Variants in TJP1 observed in about 807,000 individuals in gnomAD.
TJP1 encodes the protein tight junction protein 1, also known as tight junction protein ZO-1.
TJP1 carries 43 observed loss-of-function variants against 194.2 expected under a neutral mutation model. That is an observed-to-expected ratio of 0.22 (90% confidence interval 0.17 to 0.29). The LOEUF is 0.29. Among genes scored for constraint, TJP1 ranks in the 10% least tolerant of loss-of-function variants. TJP1 has a pLI of 1.00. For synonymous variants in TJP1, 801 were observed against 779.0 expected (o/e 1.03, Z -0.47); for missense variants, 1,971 against 2,185.7 (o/e 0.90, Z 1.96).
intron 2 of TJP1, among the ~76,000 whole-genome samples, chr15:29,774,326 T>C (rs2046878401): frequency 6.6e-6 from 1 of 151,566 alleles, no homozygotes; most frequent in Non-Finnish European, 1.5e-5. Flanking sequence ...AAAAAAAAAA[T>C]CTTCTTAAAA....
intron 2 of TJP1, among the ~76,000 whole-genome samples, chr15:29,841,769 T>C (rs2051233796): frequency 6.6e-6 from 1 of 151,216 alleles, no homozygotes; most frequent in South Asian, 2.1e-4. Flanking sequence ...TTTAGTAACA[T>C]TTATCATAAA....
At chr15:29,844,368 C>A (rs2051334699) in intron 2 of TJP1, among the ~76,000 whole-genome samples, 1 of 152,180 alleles carries the variant, frequency 6.6e-6, no homozygotes, top group African/African-American at 2.4e-5. Context: ...TGCACCCGGC[C>A]CACAGTGGCT....
chr15:29,931,208 A>C (rs1476408024), intron 2 of TJP1, among the ~76,000 whole-genome samples: 3 of 152,250 alleles, frequency 2.0e-5, no homozygotes, highest in Non-Finnish European at 4.4e-5. Context: ...AGTGGATCAT[A>C]TAAAGGTCTT....
chr15:29,941,745 G>C lies in TJP1; in HGVS notation c.306+14487C>G, dbSNP rs1324145842. On this transcript the variant is annotated intron_variant, in intron 2 of 28. Coordinates refer to the TJP1 transcript ENST00000356107. ...GCCTCCACCATTGTACACGTATCAC[G>C]TGTTTGTTTACATTTTTGCCGGCTC... Among the ~76,000 whole-genome samples the C allele has an allele frequency of 2.0e-5, 3 of 152,150 alleles. No homozygotes were observed. In the East Asian group the frequency reaches 5.8e-4, roughly 29 times the overall value.
chr15:29,734,735 T>C (rs1178115590), intron 11 of TJP1, among the ~76,000 whole-genome samples: 2 of 152,058 alleles, frequency 1.3e-5, no homozygotes, highest in African/African-American at 4.8e-5. Flanking sequence ...ATCCGCCCGC[T>C]TTGGTCTCCT....
At chr15:29,724,060 T>C (rs1162062538) in intron 18 of TJP1, among the ~76,000 whole-genome samples, 3 of 152,238 alleles carry the variant, frequency 2.0e-5, no homozygotes, top group Non-Finnish European at 2.9e-5. Flanking sequence ...TGCTATTAAC[T>C]AGCAGGTTTG....
chr15:29,740,618 C>T (rs1485787303), intron 10 of TJP1, among the ~76,000 whole-genome samples: 1 of 151,236 alleles, frequency 6.6e-6, no homozygotes, highest in Non-Finnish European at 1.5e-5. Flanking sequence ...GGCGACAGAG[C>T]AAGACCCTGT....
intron 8 of TJP1, chr15:29,743,131 T>C (rs1259550135): frequency 6.1e-6 from 1 of 163,636 alleles, no homozygotes; most frequent in Non-Finnish European, 1.3e-5. Flanking sequence ...TGTTTAACAA[T>C]GACAAAAATA....
chr15:29,765,861 C>G (rs1462609801), intron 5 of TJP1, among the ~76,000 whole-genome samples: 1 of 152,162 alleles, frequency 6.6e-6, no homozygotes, highest in Non-Finnish European at 1.5e-5. Context: ...CACTGCACTC[C>G]AGCCTGGGTG....
chr15:29,877,551 C>CT (rs1429322285), intron 2 of TJP1, among the ~76,000 whole-genome samples: 1 of 151,930 alleles, frequency 6.6e-6, no homozygotes, highest in Non-Finnish European at 1.5e-5. Flanking sequence ...CTTCTCTTTT[C>CT]TTTCTTTCTT....
chr15:29,969,012 G>GCCGCCC (rs1248958641), upstream of TJP1: 1 of 147,658 alleles, frequency 6.8e-6, no homozygotes, highest in East Asian at 2.0e-4. Context: ...TCCCGCCGCC[G>GCCGCCC]CCGCCCCTTC....
intron 2 of TJP1, among the ~76,000 whole-genome samples, chr15:29,843,092 A>G (rs2051284431): frequency 1.3e-5 from 2 of 152,052 alleles, no homozygotes; most frequent in African/African-American, 4.8e-5. Flanking sequence ...TAACCAAATG[A>G]TTCTTTATGT....
intron 2 of TJP1, among the ~76,000 whole-genome samples, chr15:29,857,296 T>G (rs929491733): frequency 1.3e-4 from 20 of 151,968 alleles, no homozygotes; most frequent in African/African-American, 4.4e-4. Flanking sequence ...GGATACTGTT[T>G]TTTTTTTTTA....
At chr15:29,732,175 G>T in intron 15 of TJP1, 1 of 453,522 alleles carries the variant, frequency 2.2e-6, no homozygotes. Flanking sequence ...GCATGACTGG[G>T]AGGATTCAAT....
chr15:29,752,089 C>T (rs1174469376), intron 8 of TJP1, among the ~76,000 whole-genome samples: 1 of 150,930 alleles, frequency 6.6e-6, no homozygotes, highest in Non-Finnish European at 1.5e-5. Flanking sequence ...CCACCACGCC[C>T]GGCTAAATAC....
chr15:29,785,619 T>C (rs2151765085), intron 2 of TJP1, among the ~76,000 whole-genome samples: 1 of 152,374 alleles, frequency 6.6e-6, no homozygotes, highest in Non-Finnish European at 1.5e-5. Context: ...ACTTGTTGCC[T>C]TTTATTTTAT....
intron 4 of TJP1, among the ~76,000 whole-genome samples, chr15:29,770,914 A>C (rs2151623138): frequency 6.6e-6 from 1 of 152,234 alleles, no homozygotes; most frequent in African/African-American, 2.4e-5. Flanking sequence ...GTGCAGCCTA[A>C]ATGTACAGTG....
Position 29,822,127 on chromosome 15 carries a change from G to C in TJP1, c.-99C>G. 1.7e-6 allele frequency: 2 copies of C among 1,203,230 alleles called. No homozygotes were observed. Among genetic ancestry groups the C allele is most frequent in the Non-Finnish European group, 2.1e-6 (2 of 967,728 alleles). 74.5% of individuals were successfully genotyped at this position (1,203,230 alleles called of 1,614,324 possible). A position where few individuals can be genotyped will look rare whatever the true frequency, so the allele number is the denominator to read the frequency against. ...GCCACAGCCCAAATAAACATCTCCCGAGAGCGAGCGGGGCACGGGCGGGGG... is the reference window on the plus strand; with the variant it reads ...GCCACAGCCCAAATAAACATCTCCCCAGAGCGAGCGGGGCACGGGCGGGGG... On this transcript the variant is annotated 5_prime_UTR_variant, in exon 1 of 28. Coordinates refer to ENST00000614355, the MANE Select transcript of TJP1 (RefSeq NM_001330239.4).
chr15:29,952,122 A>G (rs959597877), intron 2 of TJP1, among the ~76,000 whole-genome samples: 1 of 152,156 alleles, frequency 6.6e-6, no homozygotes, highest in African/African-American at 2.4e-5. Flanking sequence ...TTTCATATTG[A>G]TTGTTATATG....
Sources: gnomAD v4.1 joint callset for allele counts (sites outside exome capture counted in the v4.1 genomes callset) on GRCh38, gnomAD v4.1.1 for gene constraint, MANE v1.5 for transcripts, NCBI Gene and HGNC (gene_info 2026-07-23, HGNC 2026-07-21) for gene names.